The following C3orf52 variants were observed in gnomAD, a reference collection of about 807,000 sequenced individuals.
C3orf52 encodes the protein TPA-induced transmembrane protein.
In C3orf52, 22 loss-of-function variants were observed where a neutral mutation model predicts 24.8. The ratio of observed to expected loss-of-function variants is 0.89; its 90% CI spans 0.63 to 1.27. The LOEUF is 1.27. C3orf52 is among the 50% of genes most tolerant of loss of function. The pLI is 0.00. For missense variants in C3orf52, 265 were observed against 260.7 expected, an observed-to-expected ratio of 1.02 and a Z score of -0.11; for synonymous variants, 93 against 100.2, an observed-to-expected ratio of 0.93 and a Z score of 0.43.
At chr3:112,128,107 A>G (rs762768282) in intron 4 of C3orf52, 1 of 1,562,266 alleles carries the variant, frequency 6.4e-7, no homozygotes, top group Non-Finnish European at 8.8e-7. Flanking sequence ...TGATTTCTGC[A>G]GCTTTGTTAA....
intron 3 of C3orf52, 107 bp downstream of exon 3, chr3:112,103,072 C>T (rs2073989554): frequency 1.0e-6 from 1 of 985,224 alleles, no homozygotes; most frequent in Non-Finnish European, 1.5e-6. Context: ...ATTTTGGATT[C>T]TTTGTCTGGA....
chr3:112,125,497 G>A (rs1251251710), intron 4 of C3orf52, among the ~76,000 whole-genome samples: 3 of 152,122 alleles, frequency 2.0e-5, no homozygotes, highest in African/African-American at 7.2e-5. Context: ...CTTTGGAAAG[G>A]AAATCACGAT....
downstream of C3orf52, chr3:112,122,588 A>G (rs1268774661): frequency 6.6e-6 from 1 of 152,230 alleles, no homozygotes; most frequent in Non-Finnish European, 1.5e-5. Context: ...TATTAAATAT[A>G]TACATTTAGT....
At chr3:112,133,309 C>T (rs940159714), downstream of C3orf52, 10 of 618,946 alleles carry the variant, frequency 1.6e-5, no homozygotes, top group South Asian at 5.9e-5. Flanking sequence ...GTTAGAGGCA[C>T]GCATGTGCAG....
intron 2 of C3orf52, among the ~76,000 whole-genome samples, chr3:112,093,939 A>T (rs1324655750): frequency 2.0e-5 from 3 of 152,306 alleles, no homozygotes; most frequent in African/African-American, 4.8e-5. Context: ...AAAGAGTTTT[A>T]AAAAACTTTG....
chr3:112,134,860 A>T (rs2074534634), downstream of C3orf52: 1 of 154,890 alleles, frequency 6.5e-6, no homozygotes, highest in South Asian at 2.0e-4. Flanking sequence ...TCTCAAATGC[A>T]TTACACTAAG....
intron 3 of C3orf52, among the ~76,000 whole-genome samples, chr3:112,105,471 T>C (rs1407532352): frequency 6.6e-6 from 1 of 152,082 alleles, no homozygotes; most frequent in Non-Finnish European, 1.5e-5. Context: ...TAAATGGAAG[T>C]GGGTATTTGT....
downstream of C3orf52, among the ~76,000 whole-genome samples, chr3:112,120,606 G>A (rs1343627722): frequency 6.6e-6 from 1 of 152,168 alleles, no homozygotes; most frequent in African/African-American, 2.4e-5. Flanking sequence ...GGGAGGAGGA[G>A]TTTTCTGGTT....
downstream of C3orf52, chr3:112,133,463 T>A (rs2074507652): frequency 4.2e-6 from 1 of 239,496 alleles, no homozygotes; most frequent in African/African-American, 2.3e-5. Flanking sequence ...TACAGATATT[T>A]ACGTTTATAA....
downstream of C3orf52, chr3:112,132,950 A>C (rs913657687): frequency 1.2e-6 from 1 of 802,918 alleles, no homozygotes; most frequent in East Asian, 2.6e-5. Context: ...CAGAGTAGGC[A>C]CTGAAGGCTT....
chr3:112,113,045 T>G lies in C3orf52; in HGVS notation c.549T>G (p.Ser183Arg). ...DDENFMKYMM[S>R]EELVLGILLQ... Reference sequence around the variant, plus strand: ...AAAATTTTATGAAGTATATGATGAGTGAGGAGTTGGTGCTGGGCATTTTGC... The same window carrying G: ...AAAATTTTATGAAGTATATGATGAGGGAGGAGTTGGTGCTGGGCATTTTGC... The change falls in exon 5 of 6, where the codon AGT becomes AGG. Residue 183 changes from serine to arginine, a missense_variant. By Grantham distance (110) the Ser-to-Arg change is moderately radical. Transcript: ENST00000264848. The G allele has an allele frequency of 6.2e-7, 1 of 1,609,534 alleles. No individual in the cohort carries two copies. The highest frequency in any genetic ancestry group is 1.1e-5 in the South Asian group (1 of 89,610).
intron 1 of C3orf52, among the ~76,000 whole-genome samples, chr3:112,088,891 T>C (rs139795336): frequency 0.014 from 2,059 of 152,278 alleles, 24 homozygotes; most frequent in Non-Finnish European, 0.021. Context: ...TCTGGAATGA[T>C]TGGGAAGAAG....
chr3:112,088,180 G>A (rs773696685), intron 1 of C3orf52, among the ~76,000 whole-genome samples: 6 of 152,314 alleles, frequency 3.9e-5, no homozygotes, highest in Non-Finnish European at 2.9e-5. Flanking sequence ...TGGAGTGAAG[G>A]TGAAGGGCTA....
At chr3:112,126,318 C>T (rs2074316270) in intron 4 of C3orf52, among the ~76,000 whole-genome samples, 1 of 152,174 alleles carries the variant, frequency 6.6e-6, no homozygotes, top group Admixed American at 6.5e-5. Flanking sequence ...CAAAACTCTT[C>T]CATTTTTCTT....
chr3:112,120,223 G>A (rs1292347239), downstream of C3orf52, among the ~76,000 whole-genome samples: 1 of 152,188 alleles, frequency 6.6e-6, no homozygotes, highest in East Asian at 1.9e-4. Context: ...TCTGAATTGA[G>A]GCTATAGGCT....
intron 2 of C3orf52, among the ~76,000 whole-genome samples, chr3:112,101,438 C>T (rs931145593): frequency 4.6e-5 from 7 of 152,110 alleles, no homozygotes; most frequent in Non-Finnish European, 7.4e-5. Flanking sequence ...TGGTCATATA[C>T]GTAGCCTCTG....
At chr3:112,123,757 T>C (rs373159493) in intron 4 of C3orf52, 1 of 1,612,848 alleles carries the variant, frequency 6.2e-7, no homozygotes, top group Non-Finnish European at 8.5e-7. Flanking sequence ...TCTGAGTAGG[T>C]CTGGTCAACA....
At chr3:112,109,175 G>A (rs189639105) in intron 3 of C3orf52, among the ~76,000 whole-genome samples, 3 of 152,296 alleles carry the variant, frequency 2.0e-5, no homozygotes, top group Non-Finnish European at 4.4e-5. Context: ...TGTCCCAGGT[G>A]CTAAGTGGTC....
At chr3:112,130,908 G>A, downstream of C3orf52, 1 of 202,968 alleles carries the variant, frequency 4.9e-6, no homozygotes, top group Non-Finnish European at 1.0e-5. Flanking sequence ...TACTGGCTTT[G>A]TCTTGTGTAA....
Sources: allele counts gnomAD v4.1 joint callset (sites outside exome capture counted in the v4.1 genomes callset), GRCh38; gene constraint gnomAD v4.1.1; transcripts MANE v1.5; gene names NCBI Gene and HGNC (gene_info 2026-07-23, HGNC 2026-07-21).